DAB1: variants seen among roughly 807,000 people sequenced by gnomAD.
The protein encoded by DAB1 is disabled homolog 1.
DAB1 carries 15 observed loss-of-function variants against 64.6 expected under a neutral mutation model. That is an observed-to-expected ratio of 0.23 (90% CI 0.16 to 0.36). DAB1 has a LOEUF of 0.36. Ranked by LOEUF, DAB1 falls within the 10% of genes least tolerant of loss-of-function variation. The pLI, the probability that DAB1 is intolerant of heterozygous loss-of-function variation, is 1.00. For synonymous variants in DAB1, 235 were observed against 251.9 expected (o/e 0.93, Z 0.64); for missense variants, 596 against 706.7 (o/e 0.84, Z 1.78).
At chr1:57,318,155 CAAAA>C (rs3042914) in intron 1 of DAB1, among the ~76,000 whole-genome samples, 7 of 103,442 alleles carry the variant, frequency 6.8e-5, no homozygotes, top group Admixed American at 2.3e-4. Flanking sequence ...AGCTGCAACT[CAAAA>C]AAAAAAAAAA....
At chr1:57,054,726 C>T (rs1446950836) in intron 9 of DAB1, among the ~76,000 whole-genome samples, 2 of 152,280 alleles carry the variant, frequency 1.3e-5, no homozygotes, top group Admixed American at 1.3e-4. Context: ...GATCCACCTA[C>T]CTTGGCCTCC....
intron 4 of DAB1, among the ~76,000 whole-genome samples, chr1:58,213,482 T>C (rs1311176625): frequency 2.0e-5 from 3 of 152,062 alleles, no homozygotes; most frequent in Non-Finnish European, 4.4e-5. Flanking sequence ...CTTCTTCATA[T>C]GGTGGCATCA....
intron 7 of DAB1, among the ~76,000 whole-genome samples, chr1:57,596,396 A>G (rs367577479): frequency 6.6e-6 from 1 of 152,236 alleles, no homozygotes; most frequent in African/African-American, 2.4e-5. Flanking sequence ...GCACCTGAAC[A>G]TAAGATTGTC....
chr1:57,632,284 C>T (rs1044845491), intron 7 of DAB1, among the ~76,000 whole-genome samples: 5 of 152,112 alleles, frequency 3.3e-5, no homozygotes, highest in African/African-American at 1.2e-4. Flanking sequence ...TACATTATTA[C>T]CAGATGTTTC....
chr1:57,871,507 C>T (rs528340507), intron 1 of DAB1, among the ~76,000 whole-genome samples: 139 of 152,262 alleles, frequency 9.1e-4, no homozygotes, highest in African/African-American at 3.2e-3. Flanking sequence ...GTAGAACCTG[C>T]GCATCAATCA....
intron 4 of DAB1, among the ~76,000 whole-genome samples, chr1:58,250,581 A>G (rs142658983): frequency 8.2e-4 from 125 of 152,310 alleles, no homozygotes; most frequent in Admixed American, 1.8e-3. Flanking sequence ...GCCCCTCAGC[A>G]TTTCGCCACC....
At chr1:57,179,016 T>C (rs990369550) in intron 2 of DAB1, among the ~76,000 whole-genome samples, 3 of 152,092 alleles carry the variant, frequency 2.0e-5, no homozygotes, top group African/African-American at 7.2e-5. Context: ...GTAAAATGTA[T>C]TTATTTGGGA....
chr1:57,128,547 A>G (rs1657360146), intron 4 of DAB1, among the ~76,000 whole-genome samples: 1 of 152,226 alleles, frequency 6.6e-6, no homozygotes, highest in Non-Finnish European at 1.5e-5. Flanking sequence ...TAAACTCTGT[A>G]TAACACTCGG....
At chr1:58,044,819 A>C (rs138581360) in intron 5 of DAB1, among the ~76,000 whole-genome samples, 1 of 152,168 alleles carries the variant, frequency 6.6e-6, no homozygotes, top group Non-Finnish European at 1.5e-5. Context: ...AACCCAATAC[A>C]TAGGACTCAA....
At chr1:58,099,845 C>T (rs367910950) in intron 5 of DAB1, among the ~76,000 whole-genome samples, 12 of 152,290 alleles carry the variant, frequency 7.9e-5, no homozygotes, top group Middle Eastern at 3.4e-3. Flanking sequence ...ACGTCCAGGA[C>T]GGGCTCAGTT....
intron 6 of DAB1, among the ~76,000 whole-genome samples, chr1:57,724,304 G>A (rs577558096): frequency 0.039 from 5,088 of 131,166 alleles, 221 homozygotes; most frequent in African/African-American, 0.14. Context: ...GGAAGGAAGG[G>A]AGGGAGGGAG....
chr1:57,769,542 T>C (rs1009111155), intron 6 of DAB1, among the ~76,000 whole-genome samples: 2 of 152,258 alleles, frequency 1.3e-5, no homozygotes, highest in East Asian at 3.9e-4. Flanking sequence ...AAGAAATGCA[T>C]ACTGATGAAC....
chr1:57,737,133 G>T (rs1037453225), intron 6 of DAB1, among the ~76,000 whole-genome samples: 4 of 152,146 alleles, frequency 2.6e-5, no homozygotes, highest in Non-Finnish European at 4.4e-5. Context: ...CTGTGGCCTT[G>T]GCAGAAAGGG....
intron 7 of DAB1, among the ~76,000 whole-genome samples, chr1:57,429,608 T>A (rs950149846): frequency 1.3e-5 from 2 of 152,220 alleles, no homozygotes; most frequent in African/African-American, 4.8e-5. Context: ...TCTTTTAGGA[T>A]TTTTATTATT....
At chr1:57,956,085 G>A (rs1645386326) in intron 5 of DAB1, among the ~76,000 whole-genome samples, 1 of 152,100 alleles carries the variant, frequency 6.6e-6, no homozygotes, top group South Asian at 2.1e-4. Context: ...AATCTGTTGT[G>A]TCAGAGGAAG....
intron 4 of DAB1, among the ~76,000 whole-genome samples, chr1:58,201,007 A>C (rs1248950076): frequency 1.3e-5 from 2 of 148,804 alleles, no homozygotes; most frequent in African/African-American, 5.0e-5. Context: ...AATGTAGTCT[A>C]TTTTTGTTTG....
intron 3 of DAB1, chr1:58,474,005 C>G: frequency 3.4e-6 from 4 of 1,189,040 alleles, no homozygotes; most frequent in Non-Finnish European, 3.4e-6. Context: ...TATGCCTGGA[C>G]TTTGATTTCC....
chr1:57,550,591 C>T (rs11207059), intron 7 of DAB1, among the ~76,000 whole-genome samples: 61,089 of 150,884 alleles, frequency 0.4, 14,266 homozygotes, highest in Non-Finnish European at 0.53. Context: ...GATCTATCAT[C>T]GATCAGTTAT....
intron 1 of DAB1, among the ~76,000 whole-genome samples, chr1:57,842,387 G>A (rs1010130802): frequency 1.3e-5 from 2 of 152,082 alleles, no homozygotes; most frequent in Non-Finnish European, 2.9e-5. Flanking sequence ...TGCAACCTCT[G>A]TCCGTTACCT....
Sources: allele counts gnomAD v4.1 joint callset (sites outside exome capture counted in the v4.1 genomes callset), GRCh38; gene constraint gnomAD v4.1.1; transcripts MANE v1.5; gene names NCBI Gene and HGNC (gene_info 2026-07-23, HGNC 2026-07-21).